Variants in NPTX1 observed in about 807,000 individuals in gnomAD.
NPTX1 encodes the protein neuronal pentraxin-1.
In NPTX1, 12 loss-of-function variants were observed where a neutral mutation model predicts 38.7. The ratio of observed to expected loss-of-function variants is 0.31; its 90% CI spans 0.20 to 0.50. The LOEUF is 0.50. NPTX1 is among the 20% of genes least tolerant of loss of function. The probability of loss-of-function intolerance (pLI) is 0.98; values close to 1 mark genes in which losing one functional copy is unlikely to be tolerated. For synonymous variants in NPTX1, 272 were observed against 264.9 expected (o/e 1.03, Z -0.26); for missense variants, 454 against 592.2 (o/e 0.77, Z 2.42).
At position 80,475,427 on chromosome 17, in the gene NPTX1, A is replaced by G; in HGVS notation, c.652+84T>C. ...GCGGCTTGAGGCTTGCACAGTGCAGAGCTGGGCTGTTAGGGATCGGGACCG... is the reference window on the plus strand; with the variant it reads ...GCGGCTTGAGGCTTGCACAGTGCAGGGCTGGGCTGTTAGGGATCGGGACCG... On this transcript the variant is annotated intron_variant, in intron 2 of 4. Coordinates refer to ENST00000306773, the MANE Select transcript of NPTX1 (RefSeq NM_002522.4). This position sits in a 1 kb window ranked among gnomAD's most constrained non-coding sequence, Gnocchi z 6.5. 1.0e-6 allele frequency: 1 copy of G among 1,002,120 alleles called. No homozygotes were observed. Among genetic ancestry groups the G allele is most frequent in the Non-Finnish European group, 1.4e-6 (1 of 698,734 alleles). The allele number at this position is 1,002,120 out of a possible 1,614,324, so 62.1% of individuals were successfully genotyped here.
intron 2 of NPTX1, chr17:80,474,416 G>A (rs564802035): frequency 6.6e-6 from 1 of 152,444 alleles, no homozygotes; most frequent in African/African-American, 2.4e-5. Flanking sequence ...AGCAGCCGTG[G>A]TCCTGCCAGG....
At chr17:80,471,217 G>T (rs980710452) in intron 4 of NPTX1, among the ~76,000 whole-genome samples, 183 bp from the exon 5 acceptor site, 2 of 152,154 alleles carry the variant, frequency 1.3e-5, no homozygotes, top group African/African-American at 4.8e-5. Flanking sequence ...TCCTCTGGGG[G>T]AGCCCAAGAA....
intron 4 of NPTX1, 58 bp downstream of exon 4, chr17:80,471,674 C>T: frequency 1.3e-6 from 2 of 1,561,870 alleles, no homozygotes; most frequent in Non-Finnish European, 8.7e-7. Context: ...TCCTCTTCCC[C>T]TTCCCAGCCT....
In NPTX1 at chr17:80,475,322, T is replaced by C. The variant is rs1021382013; in HGVS notation, c.652+189A>G. Among the ~76,000 whole-genome samples, 2 of 152,084 alleles carry C rather than the reference T, an allele frequency of 1.3e-5. No homozygotes were observed. The highest frequency in any genetic ancestry group is 2.9e-5 in the Non-Finnish European group (2 of 67,990). Reference sequence around the variant, plus strand: ...CCCAGCCCAAGGCACCCAGCCCTGATAGAAACACCGACTAGAAGCCCAGAA... The same window carrying C: ...CCCAGCCCAAGGCACCCAGCCCTGACAGAAACACCGACTAGAAGCCCAGAA... On this transcript the variant is annotated intron_variant, in intron 2 of 4. Transcript: ENST00000306773. The surrounding 1 kb of genome is among the most constrained non-coding windows in gnomAD (Gnocchi z 6.5).
Position 80,470,329 on chromosome 17 carries a change from C to G in NPTX1, c.*484G>C, listed in dbSNP as rs1490977617. The stretch of plus-strand genomic sequence containing the variant: ...AAAGGTTTGCAAACAAAGACAAATG[C>G]GTGTACTGAGGTTGCACCAACCCCA... On this transcript the variant is annotated 3_prime_UTR_variant, in exon 5 of 5. Coordinates refer to ENST00000306773, the MANE Select transcript of NPTX1 (RefSeq NM_002522.4). 1 of 153,018 alleles carries G rather than the reference C, an allele frequency of 6.5e-6. No homozygotes were observed. The highest frequency in any genetic ancestry group is 1.9e-4 in the East Asian group (1 of 5,224). 9.5% of individuals were successfully genotyped at this position (153,018 alleles called of 1,614,324 possible). A position where few individuals can be genotyped will look rare whatever the true frequency, so the allele number is the denominator to read the frequency against.
rs756844057 is a variant in NPTX1 at position 80,468,119 on chromosome 17, C to T, written c.*2694G>A. ...CAGATTAAGGAGTAAATGGGAACTA[C>T]GTGGATTAGATTTGCGGCTGTGTCA... is the stretch of plus-strand genomic sequence containing the variant. On this transcript the variant is annotated 3_prime_UTR_variant, in exon 5 of 5. Transcript: ENST00000306773. 7.2e-5 allele frequency: 11 copies of T among 152,712 alleles called. No individual in the cohort carries two copies. The highest frequency in any genetic ancestry group is 2.2e-4 in the African/African-American group (9 of 41,456). 9.5% of individuals were successfully genotyped at this position (152,712 alleles called of 1,614,324 possible). A position where few individuals can be genotyped will look rare whatever the true frequency, so the allele number is the denominator to read the frequency against.
chr17:80,473,214 G>T lies in NPTX1; in HGVS notation c.883C>A (p.Leu295Ile). ...IEWGNNPMEI[L>I]INDKVAKLPF... ...GGCTGCTCTACCTTGTCATTGATGAGGATCTCCATGGGGTTGTTGCCCCAC... is the reference window on the plus strand; with the variant it reads ...GGCTGCTCTACCTTGTCATTGATGATGATCTCCATGGGGTTGTTGCCCCAC... Residue 295 changes from leucine to isoleucine, a missense_variant, in exon 3 of 5, where the codon CTC becomes ATC. This residue lies in a region of NPTX1 where 110 missense variants were observed against 197.5 expected (regional missense o/e 0.56). Coordinates refer to ENST00000306773, the MANE Select transcript of NPTX1 (RefSeq NM_002522.4). 6.2e-7 allele frequency: 1 copy of T among 1,613,162 alleles called. No homozygotes were observed. The highest frequency in any genetic ancestry group is 1.1e-5 in the South Asian group (1 of 91,080).
At position 80,475,832 on chromosome 17, in the gene NPTX1, G is replaced by C. The variant is rs1478276811; in HGVS notation, c.445-114C>G. On this transcript the variant is annotated intron_variant, in intron 1 of 4. Transcript: ENST00000306773. The surrounding 1 kb of genome is among the most constrained non-coding windows in gnomAD (Gnocchi z 6.5). ...GACTGCGGGGGCGGCCTGGCAGGGAGCTGGGGCGAGTGGCCGCCGCGGGGC... is the reference window on the plus strand; with the variant it reads ...GACTGCGGGGGCGGCCTGGCAGGGACCTGGGGCGAGTGGCCGCCGCGGGGC... The C allele has an allele frequency of 3.4e-6, 3 of 894,640 alleles. No homozygotes were observed. Among genetic ancestry groups the C allele is most frequent in the Non-Finnish European group, 3.1e-6 (2 of 638,990 alleles). The allele number at this position is 894,640 out of a possible 1,614,324, so 55.4% of individuals were successfully genotyped here. A position where few individuals can be genotyped will look rare whatever the true frequency, so the allele number is the denominator to read the frequency against.
chr17:80,470,846 C>T lies in NPTX1; in HGVS notation c.1266G>A (p.Lys422=). The T allele has an allele frequency of 6.2e-7, 1 of 1,604,284 alleles. No individual in the cohort carries two copies. The highest frequency in any genetic ancestry group is 1.3e-5 in the African/African-American group (1 of 74,914). The part of the protein sequence containing the change: ...SHIEIYGGAT[K]WTFEACRQIN The stretch of plus-strand genomic sequence containing the variant: ...TCTGGCGACAGGCCTCGAAGGTCCA[C>T]TTGGTGGCCCCTCCGTAGATCTCGA... Residue 422 remains lysine (K), a synonymous_variant, in exon 5 of 5, where the codon AAG becomes AAA. Coordinates refer to ENST00000306773, the MANE Select transcript of NPTX1 (RefSeq NM_002522.4).
rs1314671246 is a variant in NPTX1, at chr17:80,476,345, C to G, written c.102G>C (p.Ser34=). 6.5e-7 allele frequency: 1 copy of G among 1,535,790 alleles called. No individual in the cohort carries two copies. Among genetic ancestry groups the G allele is most frequent in the Admixed American group, 2.0e-5 (1 of 51,074 alleles). ...DFGPTRFICT[S]VPVDADMCAA... ...CGCACATGTCGGCGTCCACGGGCAC[C>G]GAGGTGCAGATGAAGCGCGTCGGCC... The change falls in exon 1 of 5, where the codon TCG becomes TCC. Residue 34 remains serine, a synonymous_variant. Transcript: ENST00000306773. The surrounding 1 kb of genome is among the most constrained non-coding windows in gnomAD (Gnocchi z 6.3).
Position 80,470,875 on chromosome 17 carries a change from G to A in NPTX1, c.1237C>T (p.His413Tyr). The stretch of plus-strand genomic sequence containing the variant: ...GTGGCCCCTCCGTAGATCTCGATGT[G>A]GGATTCAGCCCAGGCGATGACATTG... Reference protein sequence around the residue: ...SGNVIAWAESHIEIYGGATKW... With the variant: ...SGNVIAWAESYIEIYGGATKW... Residue 413 changes from histidine (H) to tyrosine (Y), a missense_variant, in exon 5 of 5, where the codon CAC becomes TAC. His to Tyr is a moderately conservative substitution (Grantham distance 83). Around this residue, in one of 4 missense-constraint regions of NPTX1, gnomAD observed 50 missense variants for 54.0 expected, o/e 0.93. Coordinates refer to ENST00000306773, the MANE Select transcript of NPTX1 (RefSeq NM_002522.4). 1 of 1,610,780 alleles carries A rather than the reference G, an allele frequency of 6.2e-7. No homozygotes were observed.
rs978176480 is a variant in NPTX1, at chr17:80,468,561, G to A, written c.*2252C>T. 2 of 152,290 alleles carry A rather than the reference G, an allele frequency of 1.3e-5. No homozygotes were observed. The highest frequency in any genetic ancestry group is 4.8e-5 in the African/African-American group (2 of 41,452). 9.4% of individuals were successfully genotyped at this position (152,290 alleles called of 1,614,324 possible). On this transcript the variant is annotated 3_prime_UTR_variant, in exon 5 of 5. Coordinates refer to ENST00000306773, the MANE Select transcript of NPTX1 (RefSeq NM_002522.4). ...TGGAGTGAGGGTGGGGCTAGATCTG[G>A]TCTAGAGAGGCGACTCCAAGCTCTC...
rs1392430152 is a variant in NPTX1 at position 80,475,959 on chromosome 17, C to T, written c.444+44G>A. 1.1e-5 allele frequency: 16 copies of T among 1,502,994 alleles called. No homozygotes were observed. Among genetic ancestry groups the T allele is most frequent in the Non-Finnish European group, 1.5e-5 (16 of 1,090,998 alleles). The allele number at this position is 1,502,994 out of a possible 1,614,324, so 93.1% of individuals were successfully genotyped here. ...AACGGGGTGGGGGAGGGCAGAGGGG[C>T]GAGCGAGCCGGAGGGGGAACCGGAG... On this transcript the variant is annotated intron_variant, in intron 1 of 4. Transcript: ENST00000306773. The surrounding 1 kb of genome is among the most constrained non-coding windows in gnomAD (Gnocchi z 6.5).
intron 3 of NPTX1, among the ~76,000 whole-genome samples, chr17:80,472,459 G>A (rs117450622): frequency 1.7e-3 from 264 of 152,310 alleles, no homozygotes; most frequent in Middle Eastern, 0.01. Flanking sequence ...CTCTCCCACT[G>A]CCATTCCAGG....
At chr17:80,471,145 C>G (rs878972275) in intron 4 of NPTX1, 111 bp from the exon 5 acceptor site, 77 of 812,136 alleles carry the variant, frequency 9.5e-5, no homozygotes, top group Non-Finnish European at 1.7e-5. Context: ...CGGACTCTCA[C>G]GGACACTCCT....
chr17:80,472,827 C>A (rs2083849679), intron 3 of NPTX1, among the ~76,000 whole-genome samples: 1 of 152,176 alleles, frequency 6.6e-6, no homozygotes, highest in African/African-American at 2.4e-5. Flanking sequence ...TCTAAGGACC[C>A]CTCACCCCGC....
intron 3 of NPTX1, 128 bp downstream of exon 3, chr17:80,473,072 A>T: frequency 1.0e-6 from 1 of 977,450 alleles, no homozygotes; most frequent in Non-Finnish European, 1.5e-6. Context: ...CCTCAGTCCC[A>T]CCTGGCAAAC....
In NPTX1 at chr17:80,476,492, G is replaced by T; in HGVS notation, c.-46C>A. 9.1e-7 allele frequency: 1 copy of T among 1,093,098 alleles called. No homozygotes were observed. The highest frequency in any genetic ancestry group is 3.8e-4 in the Middle Eastern group (1 of 2,652). 67.7% of individuals were successfully genotyped at this position (1,093,098 alleles called of 1,614,324 possible). ...CCGGGCCCGGCTCGGCTCGGCTGGGGCTCGGCTCCGGCTGGGACCCGGCTC... is the reference window on the plus strand; with the variant it reads ...CCGGGCCCGGCTCGGCTCGGCTGGGTCTCGGCTCCGGCTGGGACCCGGCTC... On this transcript the variant is annotated 5_prime_UTR_variant, in exon 1 of 5. Coordinates refer to ENST00000306773, the MANE Select transcript of NPTX1 (RefSeq NM_002522.4). This position sits in a 1 kb window ranked among gnomAD's most constrained non-coding sequence, Gnocchi z 6.3.
chr17:80,474,371 C>T (rs2083861633), intron 2 of NPTX1: 1 of 152,272 alleles, frequency 6.6e-6, no homozygotes, highest in Admixed American at 6.5e-5. Context: ...GGCCCAGAGC[C>T]CAGGAACACA....
Sources: gnomAD v4.1 joint callset for allele counts (sites outside exome capture counted in the v4.1 genomes callset) on GRCh38, gnomAD v4.1.1 for gene constraint, gnomAD v4.1.1 regional missense constraint, Gnocchi (gnomAD v3.1) non-coding constraint, MANE v1.5 for transcripts, NCBI Gene and HGNC (gene_info 2026-07-23, HGNC 2026-07-21) for gene names.